Variants in NAV2 observed in about 807,000 individuals in gnomAD.
The protein encoded by NAV2 is neuron navigator 2.
NAV2 carries 54 observed loss-of-function variants against 223.2 expected under a neutral mutation model. That is an observed-to-expected ratio of 0.24 (90% CI 0.19 to 0.30). NAV2 has a LOEUF of 0.30. Ranked by LOEUF, NAV2 falls within the 10% of genes least tolerant of loss-of-function variation. The probability of loss-of-function intolerance (pLI) is 1.00; values close to 1 mark genes in which losing one functional copy is unlikely to be tolerated. For synonymous variants in NAV2, 1,279 were observed against 1,239.3 expected (o/e 1.03, Z -0.67); for missense variants, 2,806 against 3,147.5 (o/e 0.89, Z 2.60).
chr11:19,647,327 T>C (rs544509233), intron 1 of NAV2, among the ~76,000 whole-genome samples: 2 of 152,270 alleles, frequency 1.3e-5, no homozygotes, highest in South Asian at 4.1e-4. Flanking sequence ...CCTCAGATCA[T>C]ACCTAGGGTT....
chr11:19,811,354 G>A (rs1402531304), intron 1 of NAV2, among the ~76,000 whole-genome samples: 3 of 152,124 alleles, frequency 2.0e-5, no homozygotes, highest in Admixed American at 1.3e-4. Flanking sequence ...TGTCACCCAG[G>A]CCTCATTAGG....
At chr11:19,582,551 A>G (rs531406078) in intron 1 of NAV2, among the ~76,000 whole-genome samples, 54 of 152,340 alleles carry the variant, frequency 3.5e-4, no homozygotes, top group African/African-American at 1.0e-3. Context: ...TATAAGGTGT[A>G]AGGAAGGGAT....
chr11:19,885,512 A>C (rs1355733674), intron 5 of NAV2, among the ~76,000 whole-genome samples: 1 of 152,124 alleles, frequency 6.6e-6, no homozygotes, highest in Non-Finnish European at 1.5e-5. Flanking sequence ...TTTTTCATTG[A>C]ATTCTTATTG....
chr11:19,402,844 T>C (rs1849744243), intron 1 of NAV2, among the ~76,000 whole-genome samples: 7 of 152,164 alleles, frequency 4.6e-5, no homozygotes, highest in Admixed American at 3.9e-4. Flanking sequence ...GAACTGAATG[T>C]ATGAGTAAGG....
At position 20,008,433 on chromosome 11, in the gene NAV2, T is replaced by A. The variant is rs540990061; in HGVS notation, c.2768+24186T>A. Among the ~76,000 whole-genome samples the A allele has an allele frequency of 1.2e-4, 19 of 152,350 alleles. 1 individual carries two copies. In the South Asian group the frequency reaches 3.7e-3, roughly 30 times the overall value. Reference sequence around the variant, plus strand: ...GTCTTTTCTCTATCACTTTGACTCTTTTCAGCTACTTCTTGAGGTCCAAAA... The same window carrying A: ...GTCTTTTCTCTATCACTTTGACTCTATTCAGCTACTTCTTGAGGTCCAAAA... On this transcript the variant is annotated intron_variant, in intron 11 of 37. Transcript: ENST00000349880.
intron 1 of NAV2, among the ~76,000 whole-genome samples, chr11:19,665,023 T>C (rs2048373628): frequency 1.3e-5 from 2 of 152,150 alleles, no homozygotes; most frequent in Non-Finnish European, 1.5e-5. Context: ...CTAAGTCTTG[T>C]GAAACTCAAA....
intron 11 of NAV2, among the ~76,000 whole-genome samples, chr11:20,016,960 C>G (rs1003281408): frequency 6.6e-6 from 1 of 152,076 alleles, no homozygotes; most frequent in Non-Finnish European, 1.5e-5. Flanking sequence ...GAGCTGAGAT[C>G]GTGCCACTGC....
At chr11:19,525,721 C>T (rs2632065) in intron 1 of NAV2, among the ~76,000 whole-genome samples, 37,855 of 152,060 alleles carry the variant, frequency 0.25, 5,182 homozygotes, top group African/African-American at 0.36. Context: ...CCTATCACAT[C>T]GTGGAACAGT....
intron 1 of NAV2, among the ~76,000 whole-genome samples, chr11:19,424,128 G>A (rs1245548301): frequency 1.3e-5 from 2 of 152,236 alleles, no homozygotes; most frequent in Non-Finnish European, 2.9e-5. Context: ...AATTAGATAT[G>A]CGGAATTTTG....
intron 1 of NAV2, among the ~76,000 whole-genome samples, chr11:19,529,088 G>A (rs139752028): frequency 4.6e-5 from 7 of 152,138 alleles, no homozygotes; most frequent in Admixed American, 1.3e-4. Context: ...ACTCCAGGTC[G>A]GAAAGAACTT....
intron 1 of NAV2, among the ~76,000 whole-genome samples, chr11:19,569,203 C>A (rs552208896): frequency 6.6e-6 from 1 of 152,316 alleles, no homozygotes; most frequent in South Asian, 2.1e-4. Context: ...TGTCAAGGAG[C>A]TGTATCCCTC....
At position 20,119,526 on chromosome 11, in the gene NAV2, C is replaced by A. The variant is rs2153734130; in HGVS notation, c.*1268C>A. The A allele has an allele frequency of 6.5e-6, 1 of 152,762 alleles. No individual in the cohort carries two copies. 9.5% of individuals were successfully genotyped at this position (152,762 alleles called of 1,614,324 possible). The stretch of plus-strand genomic sequence containing the variant: ...AGACTTGCACTTTCCTCAGAACCAA[C>A]ATGACGCAGCTCAATAAGGGTGAGG... On this transcript the variant is annotated 3_prime_UTR_variant, in exon 38 of 38. Transcript: ENST00000349880.
chr11:20,022,146 C>T (rs1055913908), intron 11 of NAV2, among the ~76,000 whole-genome samples: 1 of 152,228 alleles, frequency 6.6e-6, no homozygotes, highest in Non-Finnish European at 1.5e-5. Flanking sequence ...TGGAGAACAT[C>T]TTAATCCTTC....
chr11:20,094,703 T>C (rs2061121138), intron 29 of NAV2, among the ~76,000 whole-genome samples: 1 of 152,200 alleles, frequency 6.6e-6, no homozygotes, highest in Non-Finnish European at 1.5e-5. Context: ...CAGGGATTAT[T>C]ATCCTCATTA....
At chr11:19,754,435 G>C (rs995506375) in intron 1 of NAV2, among the ~76,000 whole-genome samples, 2 of 152,332 alleles carry the variant, frequency 1.3e-5, no homozygotes, top group Middle Eastern at 3.4e-3. Context: ...GATTCAAACA[G>C]ATGAAGAAGT....
chr11:19,934,076 G>T lies in NAV2; in HGVS notation c.1832G>T (p.Ser611Ile). The change falls in exon 7 of 38, where the codon AGT (serine) becomes ATT (isoleucine). Residue 611 changes from serine to isoleucine, a missense_variant. Coordinates refer to ENST00000349880, the MANE Select transcript of NAV2 (RefSeq NM_145117.5). ...QKPQLDGRHS[S>I]SSSSLASSEG... ...CCCCAGCTGGACGGCAGACACTCCA[G>T]TTCCTCTTCCAGCCTGGCGTCCTCA... 2 of 1,611,412 alleles carry T rather than the reference G, an allele frequency of 1.2e-6. No homozygotes were observed. Among genetic ancestry groups the T allele is most frequent in the Non-Finnish European group, 1.7e-6 (2 of 1,178,748 alleles).
intron 10 of NAV2, among the ~76,000 whole-genome samples, chr11:19,976,917 T>C (rs536478012): frequency 6.6e-6 from 1 of 152,142 alleles, no homozygotes; most frequent in Admixed American, 6.5e-5. Context: ...CAGGCTTGAG[T>C]GACATAAGGG....
chr11:19,851,840 T>A (rs1467107219), intron 3 of NAV2, among the ~76,000 whole-genome samples: 1 of 152,238 alleles, frequency 6.6e-6, no homozygotes, highest in Non-Finnish European at 1.5e-5. Context: ...GATTTTGAGA[T>A]GGGATAATGA....
chr11:20,069,417 G>A (rs571042847), intron 22 of NAV2, among the ~76,000 whole-genome samples: 70 of 152,182 alleles, frequency 4.6e-4, no homozygotes, highest in Non-Finnish European at 8.7e-4. Flanking sequence ...GTGAGCATCC[G>A]GGCTTCCTCC....
Sources: allele counts gnomAD v4.1 joint callset (sites outside exome capture counted in the v4.1 genomes callset), GRCh38; gene constraint gnomAD v4.1.1; transcripts MANE v1.5; gene names NCBI Gene and HGNC (gene_info 2026-07-23, HGNC 2026-07-21).